The following ABCB5 variants were observed in gnomAD, a reference collection of about 807,000 sequenced individuals.
ABCB5 encodes ATP-binding cassette sub-family B member 5.
A neutral mutation model predicts 144.2 loss-of-function variants in ABCB5; 155 were observed. The observed-to-expected ratio is 1.08, with a 90% confidence interval of 0.94 to 1.23. The LOEUF is 1.23. ABCB5 is among the 50% of genes most tolerant of loss of function. The probability of loss-of-function intolerance (pLI) is 0.00; values close to 1 mark genes in which losing one functional copy is unlikely to be tolerated. For synonymous variants in ABCB5, 610 were observed against 528.6 expected (o/e 1.15, Z -2.11); for missense variants, 1,830 against 1,520.8 (o/e 1.20, Z -3.38).
intron 14 of ABCB5, among the ~76,000 whole-genome samples, chr7:20,680,281 C>T (rs1227728960): frequency 1.3e-5 from 2 of 152,016 alleles, no homozygotes; most frequent in Admixed American, 6.6e-5. Context: ...GACTTGAGGC[C>T]GAGCGCGGTG....
intron 13 of ABCB5, among the ~76,000 whole-genome samples, chr7:20,657,198 C>G (rs553568711): frequency 5.9e-5 from 9 of 152,234 alleles, no homozygotes; most frequent in African/African-American, 2.2e-4. Flanking sequence ...TGTGAACCAC[C>G]ACACCCGGAC....
intron 20 of ABCB5, among the ~76,000 whole-genome samples, chr7:20,717,033 A>C (rs1781695741): frequency 6.6e-6 from 1 of 152,200 alleles, no homozygotes; most frequent in Non-Finnish European, 1.5e-5. Context: ...GCCACACTCC[A>C]GACTGGTCTT....
intron 14 of ABCB5, among the ~76,000 whole-genome samples, chr7:20,680,375 G>A (rs1214657577): frequency 6.6e-6 from 1 of 151,868 alleles, no homozygotes; most frequent in South Asian, 2.1e-4. Context: ...TGGCTAACAC[G>A]GTGAAACCCT....
chr7:20,704,528 G>T (rs780377889), intron 19 of ABCB5, among the ~76,000 whole-genome samples, 196 bp from the exon 20 acceptor site: 5 of 152,130 alleles, frequency 3.3e-5, no homozygotes, highest in Non-Finnish European at 7.3e-5. Flanking sequence ...TTGGGCTTAA[G>T]TTCTTCAGTT....
chr7:20,696,870 T>C (rs546616692), intron 16 of ABCB5, among the ~76,000 whole-genome samples: 2 of 152,274 alleles, frequency 1.3e-5, no homozygotes, highest in Non-Finnish European at 2.9e-5. Flanking sequence ...TTATTGTGTA[T>C]TTTCCCAGAG....
intron 12 of ABCB5, among the ~76,000 whole-genome samples, chr7:20,650,806 T>TGAGTAA (rs1339175326): frequency 6.6e-6 from 1 of 152,210 alleles, no homozygotes; most frequent in Non-Finnish European, 1.5e-5. Flanking sequence ...AATTATTAGA[T>TGAGTAA]GAGTGTTATG....
intron 23 of ABCB5, 80 bp downstream of exon 23, chr7:20,728,535 C>T: frequency 6.7e-7 from 1 of 1,495,010 alleles, no homozygotes; most frequent in Non-Finnish European, 9.0e-7. Context: ...GGGTGGATCA[C>T]TTGAGGTCAG....
At chr7:20,631,818 T>A (rs1485080361) in intron 4 of ABCB5, among the ~76,000 whole-genome samples, 1 of 152,204 alleles carries the variant, frequency 6.6e-6, no homozygotes, top group Non-Finnish European at 1.5e-5. Context: ...TTTCCAGTTA[T>A]GAGCTACATG....
intron 14 of ABCB5, among the ~76,000 whole-genome samples, chr7:20,663,711 G>A (rs1785076737): frequency 7.0e-6 from 1 of 141,994 alleles, no homozygotes; most frequent in African/African-American, 2.8e-5. Context: ...TTTTATGTTA[G>A]GCTTTTTTTT....
At chr7:20,753,033 C>A (rs1782980364) in intron 26 of ABCB5, among the ~76,000 whole-genome samples, 1 of 152,158 alleles carries the variant, frequency 6.6e-6, no homozygotes, top group Non-Finnish European at 1.5e-5. Flanking sequence ...GGTAGTATAA[C>A]TTAATGGAAA....
chr7:20,621,113 G>A (rs1783796994), intron 1 of ABCB5, among the ~76,000 whole-genome samples: 1 of 152,090 alleles, frequency 6.6e-6, no homozygotes, highest in Non-Finnish European at 1.5e-5. Flanking sequence ...AAAACATTAT[G>A]TTAAGTGAAA....
chr7:20,684,830 A>G (rs1426476226), intron 15 of ABCB5, among the ~76,000 whole-genome samples: 2 of 152,176 alleles, frequency 1.3e-5, no homozygotes, highest in African/African-American at 4.8e-5. Context: ...CCATGTGCAC[A>G]TTCTCCTTGT....
intron 19 of ABCB5, among the ~76,000 whole-genome samples, chr7:20,701,327 A>T (rs1456864913): frequency 6.6e-6 from 1 of 152,196 alleles, no homozygotes; most frequent in East Asian, 1.9e-4. Context: ...ACATTTGTTG[A>T]CTATTTCTGC....
intron 7 of ABCB5, among the ~76,000 whole-genome samples, chr7:20,644,663 T>C (rs1784364496): frequency 1.3e-5 from 2 of 152,220 alleles, no homozygotes; most frequent in Admixed American, 1.3e-4. Context: ...TATATACTCA[T>C]CTTCTAGATA....
chr7:20,634,717 T>C (rs1055514542), intron 5 of ABCB5, among the ~76,000 whole-genome samples: 2 of 152,140 alleles, frequency 1.3e-5, no homozygotes, highest in African/African-American at 4.8e-5. Context: ...TGTCTGCTCA[T>C]GTCTTTTGCC....
At chr7:20,675,458 C>G (rs1785571532) in intron 14 of ABCB5, among the ~76,000 whole-genome samples, 2 of 151,904 alleles carry the variant, frequency 1.3e-5, no homozygotes, top group Admixed American at 1.3e-4. Context: ...AGAATGAAAA[C>G]TGGACTTTTA....
chr7:20,681,028 T>A (rs368382678), intron 14 of ABCB5, among the ~76,000 whole-genome samples: 2 of 22,654 alleles, frequency 8.8e-5, no homozygotes, highest in South Asian at 2.2e-3. Context: ...CTTTCTTTCT[T>A]TCTTTCTCTT....
intron 14 of ABCB5, chr7:20,667,018 C>G: frequency 3.1e-6 from 2 of 644,042 alleles, no homozygotes; most frequent in Middle Eastern, 4.4e-4. Flanking sequence ...GGTTTTAGGT[C>G]ACATGAATGA....
intron 14 of ABCB5, among the ~76,000 whole-genome samples, chr7:20,663,547 G>A (rs936954767): frequency 1.3e-5 from 2 of 152,068 alleles, no homozygotes; most frequent in African/African-American, 4.8e-5. Flanking sequence ...CAAATTCAGA[G>A]ATGGAAAGTA....
Sources: allele counts gnomAD v4.1 joint callset (sites outside exome capture counted in the v4.1 genomes callset), GRCh38; gene constraint gnomAD v4.1.1; transcripts MANE v1.5; gene names NCBI Gene and HGNC (gene_info 2026-07-23, HGNC 2026-07-21).